The following MEGF11 variants were observed in gnomAD, a reference collection of about 807,000 sequenced individuals.
The protein encoded by MEGF11 is multiple epidermal growth factor-like domains protein 11.
Under a neutral mutation model 146.6 loss-of-function variants are expected in MEGF11, and 126 were observed. That is an observed-to-expected ratio of 0.86 (90% CI 0.74 to 1.00). MEGF11 has a LOEUF of 1.00. Among genes scored for constraint, MEGF11 ranks in the 50% least tolerant of loss-of-function variants. The pLI is 0.00. For missense variants in MEGF11, 1,509 were observed against 1,521.2 expected, an observed-to-expected ratio of 0.99 and a Z score of 0.13; for synonymous variants, 532 against 583.4, an observed-to-expected ratio of 0.91 and a Z score of 1.27.
chr15:66,207,121 G>A (rs1326763283), intron 1 of MEGF11, among the ~76,000 whole-genome samples: 1 of 151,858 alleles, frequency 6.6e-6, no homozygotes, highest in African/African-American at 2.4e-5. Context: ...GTAGAGGAAA[G>A]GCAGAAAAAA....
intron 4 of MEGF11, among the ~76,000 whole-genome samples, chr15:66,096,464 G>A (rs2086558041): frequency 6.6e-6 from 1 of 152,256 alleles, no homozygotes; most frequent in African/African-American, 2.4e-5. Flanking sequence ...GGAGCTTGGG[G>A]TGGCTCCTGG....
At chr15:65,908,832 C>A (rs568480790) in intron 23 of MEGF11, among the ~76,000 whole-genome samples, 1 of 152,140 alleles carries the variant, frequency 6.6e-6, no homozygotes, top group Non-Finnish European at 1.5e-5. Context: ...ACTATGGGAA[C>A]AGAATGGGTG....
intron 9 of MEGF11, among the ~76,000 whole-genome samples, chr15:65,961,083 T>A (rs1393259543): frequency 6.6e-6 from 1 of 152,190 alleles, no homozygotes; most frequent in African/African-American, 2.4e-5. Flanking sequence ...GACAGCTGAC[T>A]GATCATGATG....
chr15:66,200,965 C>G (rs1333893575), intron 1 of MEGF11, among the ~76,000 whole-genome samples: 19 of 152,014 alleles, frequency 1.2e-4, no homozygotes, highest in Admixed American at 1.2e-3. Context: ...CAGAAGTATT[C>G]AGACACGAGC....
intron 5 of MEGF11, among the ~76,000 whole-genome samples, chr15:65,984,914 G>A (rs1187109399): frequency 4.0e-5 from 6 of 151,824 alleles, no homozygotes; most frequent in East Asian, 1.9e-4. Context: ...GATTACAGGC[G>A]CCTGCCACCA....
At chr15:66,020,312 G>A (rs982180764) in intron 5 of MEGF11, among the ~76,000 whole-genome samples, 1 of 152,184 alleles carries the variant, frequency 6.6e-6, no homozygotes, top group Non-Finnish European at 1.5e-5. Context: ...GGAGCTGTTG[G>A]TGTGTATCTC....
chr15:65,907,609 T>C (rs998980762), intron 23 of MEGF11, among the ~76,000 whole-genome samples: 3 of 152,222 alleles, frequency 2.0e-5, no homozygotes, highest in African/African-American at 7.2e-5. Context: ...ATTTGCTGTT[T>C]TTTCTGAGAG....
intron 1 of MEGF11, among the ~76,000 whole-genome samples, chr15:66,150,836 G>C (rs1350318572): frequency 2.8e-5 from 3 of 108,420 alleles, no homozygotes; most frequent in Non-Finnish European, 5.9e-5. Flanking sequence ...GAGAGAGAGA[G>C]AGAGAGAGAG....
intron 5 of MEGF11, among the ~76,000 whole-genome samples, chr15:66,079,541 C>A (rs1215200344): frequency 2.8e-5 from 4 of 144,428 alleles, no homozygotes; most frequent in Non-Finnish European, 6.1e-5. Context: ...ATTCACACCC[C>A]CCCCCCCAGC....
chr15:66,209,831 T>C (rs10851753), intron 1 of MEGF11, among the ~76,000 whole-genome samples: 134,185 of 147,260 alleles, frequency 0.91, 60,734 homozygotes, highest in Non-Finnish European at 0.96. Context: ...GACAGAAATG[T>C]TTTTTTTTTT....
At chr15:66,037,596 A>G (rs1454026093) in intron 5 of MEGF11, among the ~76,000 whole-genome samples, 1 of 152,230 alleles carries the variant, frequency 6.6e-6, no homozygotes, top group Non-Finnish European at 1.5e-5. Flanking sequence ...TGGTCCCATC[A>G]TAGGGTGGGG....
chr15:66,037,530 C>T lies in MEGF11; in HGVS notation c.395-55042G>A, dbSNP rs116091199. Among the ~76,000 whole-genome samples, 954 of 151,978 alleles carry T rather than the reference C, an allele frequency of 6.3e-3. 10 individuals are homozygous for T. Among genetic ancestry groups the T allele is most frequent in the African/African-American group, 0.022 (908 of 41,422 alleles). On this transcript the variant is annotated intron_variant, in intron 5 of 25. Coordinates refer to ENST00000395614, the MANE Select transcript of MEGF11 (RefSeq NM_001385028.1). ...TCATGTGTAGGTCCATAGAGAAGCA[C>T]CTGGCACGTAGTAAGTGCTCTTTGA...
At chr15:66,221,252 G>A (rs1476431357) in intron 1 of MEGF11, among the ~76,000 whole-genome samples, 2 of 151,996 alleles carry the variant, frequency 1.3e-5, no homozygotes, top group African/African-American at 2.4e-5. Context: ...ACTCTCCTTG[G>A]GAGAGGGCTG....
At chr15:66,118,028 G>A (rs1486878027) in intron 4 of MEGF11, among the ~76,000 whole-genome samples, 1 of 152,080 alleles carries the variant, frequency 6.6e-6, no homozygotes, top group Non-Finnish European at 1.5e-5. Flanking sequence ...TTTTCCCTCT[G>A]GTGCGAACTC....
chr15:66,028,586 T>C (rs563421227), intron 5 of MEGF11, among the ~76,000 whole-genome samples: 1 of 152,338 alleles, frequency 6.6e-6, no homozygotes, highest in Non-Finnish European at 1.5e-5. Context: ...AACAATTATT[T>C]ATATGCATGA....
At chr15:66,210,303 C>T (rs1477247962) in intron 1 of MEGF11, among the ~76,000 whole-genome samples, 4 of 152,148 alleles carry the variant, frequency 2.6e-5, no homozygotes, top group South Asian at 4.1e-4. Context: ...TGTAAAGAGG[C>T]GCTCACTCTC....
At chr15:66,026,781 C>G (rs1339910363) in intron 5 of MEGF11, among the ~76,000 whole-genome samples, 1 of 152,124 alleles carries the variant, frequency 6.6e-6, no homozygotes, top group Non-Finnish European at 1.5e-5. Context: ...AGCCACCACA[C>G]CTGGCCGAAG....
At chr15:65,992,454 G>T (rs916329156) in intron 5 of MEGF11, among the ~76,000 whole-genome samples, 16 of 141,600 alleles carry the variant, frequency 1.1e-4, no homozygotes, top group South Asian at 4.6e-4. Flanking sequence ...TGTGTGTGGG[G>T]GGGGGGGTTA....
intron 5 of MEGF11, among the ~76,000 whole-genome samples, chr15:66,001,998 G>A (rs1280792401): frequency 1.1e-4 from 16 of 152,056 alleles, no homozygotes; most frequent in Admixed American, 1.0e-3. Flanking sequence ...TGCCTAATTG[G>A]CAGCTAATTG....
Sources: gnomAD v4.1 joint callset for allele counts (sites outside exome capture counted in the v4.1 genomes callset) on GRCh38, gnomAD v4.1.1 for gene constraint, MANE v1.5 for transcripts, NCBI Gene and HGNC (gene_info 2026-07-23, HGNC 2026-07-21) for gene names.